The following COMMD10 variants were observed in gnomAD, a reference collection of about 807,000 sequenced individuals.
The protein encoded by COMMD10 is COMM domain-containing protein 10.
In COMMD10, 33 loss-of-function variants were observed where a neutral mutation model predicts 28.9. The observed-to-expected ratio is 1.14, with a 90% confidence interval of 0.87 to 1.53. The LOEUF (loss-of-function observed/expected upper bound fraction) is 1.53, where lower values mean the gene tolerates loss of function less well. Among genes scored for constraint, COMMD10 ranks in the 40% most tolerant of loss-of-function variants. The pLI is 0.00. For missense variants in COMMD10, 310 were observed against 233.4 expected (o/e 1.33, Z -2.14); for synonymous variants, 110 against 81.7 (o/e 1.35, Z -1.87).
intron 5 of COMMD10, among the ~76,000 whole-genome samples, chr5:116,253,391 G>A (rs2112676448): frequency 6.6e-6 from 1 of 151,262 alleles, no homozygotes; most frequent in East Asian, 1.9e-4. Context: ...CAAAGTGAAA[G>A]CTTCCAGTTT....
At chr5:116,132,977 A>G (rs183008068) in intron 4 of COMMD10, among the ~76,000 whole-genome samples, 390 of 152,260 alleles carry the variant, frequency 2.6e-3, no homozygotes, top group Non-Finnish European at 4.4e-3. Context: ...ATCCTCTCTC[A>G]AATAGATAAT....
intron 5 of COMMD10, among the ~76,000 whole-genome samples, chr5:116,289,122 T>C (rs1398365403): frequency 6.6e-6 from 1 of 151,688 alleles, no homozygotes; most frequent in Non-Finnish European, 1.5e-5. Context: ...CCTCAGGTGA[T>C]CCACCCACCT....
At chr5:116,271,245 A>AC (rs1561402357) in intron 5 of COMMD10, among the ~76,000 whole-genome samples, 3 of 147,374 alleles carry the variant, frequency 2.0e-5, no homozygotes, top group Non-Finnish European at 4.5e-5. Flanking sequence ...GATAGTAAAA[A>AC]CAATTTTTTT....
At position 116,292,702 on chromosome 5, in the gene COMMD10, G is replaced by A. The variant is rs765665706; in HGVS notation, c.*213G>A. On this transcript the variant is annotated 3_prime_UTR_variant, in exon 7 of 7. Coordinates refer to ENST00000274458, the MANE Select transcript of COMMD10 (RefSeq NM_016144.4). ...CTTTCTTTAGTTCTGTGAGCCAACA[G>A]TAATTATTAAGAACACTTTCCCTTT... 1.2e-4 allele frequency: 48 copies of A among 416,080 alleles called. No individual in the cohort carries two copies. The highest frequency in any genetic ancestry group is 2.0e-4 in the Non-Finnish European group (46 of 234,982). 25.8% of individuals were successfully genotyped at this position (416,080 alleles called of 1,614,324 possible). A position where few individuals can be genotyped will look rare whatever the true frequency, so the allele number is the denominator to read the frequency against.
Position 116,134,163 on chromosome 5 carries a change from C to T in COMMD10, c.495C>T (p.Asn165=). 1.3e-6 allele frequency: 2 copies of T among 1,596,334 alleles called. No homozygotes were observed. The highest frequency in any genetic ancestry group is 1.7e-6 in the Non-Finnish European group (2 of 1,163,742). ...AAGCTGTGTTACAACTCGGAGTGAACAATGAAGATTCAAAGGTAAGAAATG... is the reference window on the plus strand; with the variant it reads ...AAGCTGTGTTACAACTCGGAGTGAATAATGAAGATTCAAAGGTAAGAAATG... ...SPQAVLQLGV[N]NEDSKSLEKV... The change falls in exon 5 of 7, where the codon AAC becomes AAT. Residue 165 remains asparagine, a synonymous_variant. Transcript: ENST00000274458.
At chr5:116,168,211 A>G (rs988073640) in intron 5 of COMMD10, among the ~76,000 whole-genome samples, 1 of 151,960 alleles carries the variant, frequency 6.6e-6, no homozygotes, top group Non-Finnish European at 1.5e-5. Context: ...AACAGACTTT[A>G]AAGCAACAAA....
intron 5 of COMMD10, chr5:116,188,585 TTC>T (rs1381344667): frequency 2.6e-5 from 4 of 151,886 alleles, no homozygotes; most frequent in African/African-American, 9.7e-5. Flanking sequence ...CTTTCTTTCT[TTC>T]TTTCTTTTCT....
At chr5:116,183,087 G>A (rs765508726) in intron 5 of COMMD10, among the ~76,000 whole-genome samples, 1 of 151,914 alleles carries the variant, frequency 6.6e-6, no homozygotes, top group Non-Finnish European at 1.5e-5. Context: ...CCCAGTCTTC[G>A]GTATTTCTTC....
At chr5:116,151,644 T>C (rs1229655813) in intron 5 of COMMD10, among the ~76,000 whole-genome samples, 1 of 152,226 alleles carries the variant, frequency 6.6e-6, no homozygotes, top group Non-Finnish European at 1.5e-5. Flanking sequence ...TTTATTTGCA[T>C]AGAGGTGTTC....
At chr5:116,257,870 A>T (rs1750335550) in intron 5 of COMMD10, among the ~76,000 whole-genome samples, 1 of 151,660 alleles carries the variant, frequency 6.6e-6, no homozygotes, top group Admixed American at 6.6e-5. Flanking sequence ...GAATTTTGGG[A>T]GAAGTAATTT....
At chr5:116,145,129 G>A (rs1752304583) in intron 5 of COMMD10, among the ~76,000 whole-genome samples, 1 of 151,876 alleles carries the variant, frequency 6.6e-6, no homozygotes, top group African/African-American at 2.4e-5. Flanking sequence ...CTGCTGTCAT[G>A]AGGTTGGGAG....
At chr5:116,143,145 A>T (rs1215252957) in intron 5 of COMMD10, among the ~76,000 whole-genome samples, 1 of 148,288 alleles carries the variant, frequency 6.7e-6, no homozygotes, top group Non-Finnish European at 1.5e-5. Context: ...GTATATTGAT[A>T]CAAATCATAT....
intron 5 of COMMD10, among the ~76,000 whole-genome samples, chr5:116,280,700 A>G (rs1466118626): frequency 1.3e-5 from 2 of 151,846 alleles, no homozygotes; most frequent in African/African-American, 2.4e-5. Flanking sequence ...TATTTAGCCT[A>G]TGGTGGAGCT....
chr5:116,256,357 G>C (rs1245192078), intron 5 of COMMD10, among the ~76,000 whole-genome samples: 2 of 151,716 alleles, frequency 1.3e-5, no homozygotes, highest in African/African-American at 4.9e-5. Context: ...ACAGTCGGTA[G>C]CTTTGACATG....
In COMMD10 at chr5:116,227,048, T is replaced by G. The variant is rs532382295; in HGVS notation, c.511-64469T>G. 3.6e-4 allele frequency among the ~76,000 whole-genome samples: 55 copies of G among 152,148 alleles called. 1 individual carries two copies. The highest frequency in any genetic ancestry group is 6.8e-3 in the Middle Eastern group (2 of 294). ...CTGTTTATCTGATTCACTCTCCCCC[T>G]CTTTTGCCTTCTGGTGTTACAGAGT... On this transcript the variant is annotated intron_variant, in intron 5 of 6. Coordinates refer to ENST00000274458, the MANE Select transcript of COMMD10 (RefSeq NM_016144.4).
chr5:116,167,957 A>T (rs1000616535), intron 5 of COMMD10, among the ~76,000 whole-genome samples: 1 of 152,146 alleles, frequency 6.6e-6, no homozygotes, highest in Non-Finnish European at 1.5e-5. Context: ...CTGTCATAAT[A>T]ACAGGATCAA....
chr5:116,246,978 C>A (rs924836184), intron 5 of COMMD10, among the ~76,000 whole-genome samples: 3 of 151,526 alleles, frequency 2.0e-5, no homozygotes, highest in African/African-American at 7.3e-5. Context: ...TTGATAAATG[C>A]GATCTGATTA....
intron 4 of COMMD10, among the ~76,000 whole-genome samples, chr5:116,104,929 C>T (rs1395672189): frequency 6.6e-6 from 1 of 152,136 alleles, no homozygotes; most frequent in Non-Finnish European, 1.5e-5. Flanking sequence ...TCCTCTTTTC[C>T]TAATTGAATA....
chr5:116,179,366 A>G (rs1747866058), intron 5 of COMMD10, among the ~76,000 whole-genome samples: 1 of 152,164 alleles, frequency 6.6e-6, no homozygotes, highest in Non-Finnish European at 1.5e-5. Context: ...ATCTGCCCAG[A>G]GTTACACTAC....
Sources: gnomAD v4.1 joint callset for allele counts (sites outside exome capture counted in the v4.1 genomes callset) on GRCh38, gnomAD v4.1.1 for gene constraint, MANE v1.5 for transcripts, NCBI Gene and HGNC (gene_info 2026-07-23, HGNC 2026-07-21) for gene names.